The following KCNIP3 variants were observed in gnomAD, a reference collection of about 807,000 sequenced individuals.
KCNIP3 encodes calsenilin.
A neutral mutation model predicts 35.0 loss-of-function variants in KCNIP3; 28 were observed. The observed-to-expected ratio is 0.80, with a 90% CI of 0.59 to 1.10. The LOEUF is 1.10. Among genes scored for constraint, KCNIP3 ranks in the 50% least tolerant of loss-of-function variants. The pLI is 0.00. For missense variants in KCNIP3, 295 were observed against 338.4 expected (o/e 0.87, Z 1.01); for synonymous variants, 134 against 133.8 (o/e 1.00, Z -0.01).
chr2:95,307,357 C>T (rs1678203467), intron 1 of KCNIP3, among the ~76,000 whole-genome samples: 1 of 152,220 alleles, frequency 6.6e-6, no homozygotes, highest in Non-Finnish European at 1.5e-5. Context: ...GGACCCAGGC[C>T]GAGAAACAGC....
intron 2 of KCNIP3, among the ~76,000 whole-genome samples, chr2:95,373,286 A>G (rs1680082455): frequency 6.6e-6 from 1 of 152,236 alleles, no homozygotes; most frequent in Non-Finnish European, 1.5e-5. Flanking sequence ...TTTGCATTGT[A>G]AAAGTGATGC....
intron 2 of KCNIP3, among the ~76,000 whole-genome samples, chr2:95,315,797 C>T (rs905579124): frequency 1.3e-5 from 2 of 152,128 alleles, no homozygotes; most frequent in Non-Finnish European, 2.9e-5. Context: ...GTGGGGAAAG[C>T]GGCAATGCAG....
chr2:95,310,147 C>T, intron 1 of KCNIP3: 1 of 691,948 alleles, frequency 1.4e-6, no homozygotes, highest in Non-Finnish European at 2.6e-6. Flanking sequence ...TCCCATCTTA[C>T]ACCATAGCCA....
At position 95,310,368 on chromosome 2, in the gene KCNIP3, C is replaced by T. The variant is rs749515536; in HGVS notation, c.29C>T (p.Ala10Val). Reference protein sequence around the residue: MQPAKEVTKASDGSLLGDLG... With the variant: MQPAKEVTKVSDGSLLGDLG... ...TTCCTACTGCAGGAAGTGACAAAGG[C>T]GTCGGACGGCAGCCTCCTGGGGGAC... The change falls in exon 2 of 9, where the codon GCG becomes GTG. Residue 10 changes from alanine (A) to valine (V), a missense_variant. Physicochemically the swap from Ala to Val is moderately conservative, Grantham distance 64 (BLOSUM62 0). Transcript: ENST00000295225. 2.1e-4 allele frequency: 332 copies of T among 1,611,428 alleles called. 1 individual carries two copies. Among genetic ancestry groups the T allele is most frequent in the Non-Finnish European group, 2.7e-4 (318 of 1,178,220 alleles).
intron 2 of KCNIP3, among the ~76,000 whole-genome samples, chr2:95,371,613 C>G (rs10171975): frequency 6.6e-6 from 1 of 152,100 alleles, no homozygotes; most frequent in Non-Finnish European, 1.5e-5. Flanking sequence ...GAAAGGGGTG[C>G]TAAAATCTTC....
rs1374969883 is a variant in KCNIP3 at position 95,310,453 on chromosome 2, C to A, written c.114C>A (p.Ser38Arg). 1 of 1,613,980 alleles carries A rather than the reference C, an allele frequency of 6.2e-7. No individual in the cohort carries two copies. The highest frequency in any genetic ancestry group is 1.7e-5 in the Admixed American group (1 of 60,002). ...EGIKWQRPRL[S>R]RQALMRCCLV... ...TCAAGTGGCAGAGGCCGAGGCTCAG[C>A]CGCCAGGCTTTGATGAGATGCTGCC... Residue 38 changes from serine to arginine, a missense_variant, in exon 2 of 9, where the codon AGC becomes AGA. Coordinates refer to ENST00000295225, the MANE Select transcript of KCNIP3 (RefSeq NM_013434.5).
chr2:95,360,308 T>A (rs577413503), intron 2 of KCNIP3, among the ~76,000 whole-genome samples: 1 of 152,306 alleles, frequency 6.6e-6, no homozygotes, highest in South Asian at 2.1e-4. Context: ...TTCCAATACC[T>A]TATTCCTCAA....
intron 2 of KCNIP3, among the ~76,000 whole-genome samples, chr2:95,337,521 C>T (rs1371253134): frequency 6.6e-6 from 1 of 152,180 alleles, no homozygotes; most frequent in Non-Finnish European, 1.5e-5. Context: ...TAAGATGAAT[C>T]CTTTCTCTGC....
intron 1 of KCNIP3, among the ~76,000 whole-genome samples, chr2:95,305,657 C>T (rs368908647): frequency 2.7e-4 from 41 of 152,188 alleles, no homozygotes; most frequent in African/African-American, 9.4e-4. Context: ...CTCCTGCCTG[C>T]CTCCCCCCAT....
At chr2:95,301,884 A>G (rs1034106064) in intron 1 of KCNIP3, among the ~76,000 whole-genome samples, 2 of 151,902 alleles carry the variant, frequency 1.3e-5, no homozygotes, top group South Asian at 2.1e-4. Context: ...GTGCGCGCTC[A>G]TAGGTGTGTT....
intron 2 of KCNIP3, among the ~76,000 whole-genome samples, chr2:95,345,418 G>A (rs1288745661): frequency 6.6e-6 from 1 of 152,258 alleles, no homozygotes; most frequent in Non-Finnish European, 1.5e-5. Flanking sequence ...TCGCAGCCAC[G>A]CGCCGCGGCT....
At chr2:95,352,430 G>T (rs571688888) in intron 2 of KCNIP3, among the ~76,000 whole-genome samples, 1 of 152,174 alleles carries the variant, frequency 6.6e-6, no homozygotes, top group African/African-American at 2.4e-5. Flanking sequence ...GTGACCCTGG[G>T]GTCAGAGGCT....
intron 2 of KCNIP3, among the ~76,000 whole-genome samples, chr2:95,328,958 C>T (rs13399849): frequency 0.13 from 19,543 of 152,118 alleles, 1,551 homozygotes; most frequent in African/African-American, 0.22. Flanking sequence ...AAGAGGGGAG[C>T]TGCAGAGGAG....
intron 1 of KCNIP3, among the ~76,000 whole-genome samples, chr2:95,308,875 T>C (rs1178276298): frequency 6.6e-6 from 1 of 152,194 alleles, no homozygotes; most frequent in Non-Finnish European, 1.5e-5. Context: ...AGAAGCTGCT[T>C]GACGGCCCCG....
intron 2 of KCNIP3, among the ~76,000 whole-genome samples, chr2:95,344,701 C>T (rs1679304100): frequency 6.6e-6 from 1 of 152,208 alleles, no homozygotes; most frequent in Admixed American, 6.5e-5. Flanking sequence ...CACGTGCCAC[C>T]CTGTGAAGCT....
chr2:95,310,614 C>A, intron 2 of KCNIP3, 94 bp downstream of exon 2: 1 of 1,411,558 alleles, frequency 7.1e-7, no homozygotes, highest in Non-Finnish European at 1.0e-6. Flanking sequence ...AGCCTGGGAC[C>A]CCAGCCTGGG....
chr2:95,342,613 C>T (rs1679219007), intron 2 of KCNIP3, among the ~76,000 whole-genome samples: 1 of 152,190 alleles, frequency 6.6e-6, no homozygotes. Context: ...TGGACTTGAT[C>T]TCTTTGTCTT....
chr2:95,366,908 T>C (rs1558775862), intron 2 of KCNIP3, among the ~76,000 whole-genome samples: 2 of 152,206 alleles, frequency 1.3e-5, no homozygotes, highest in African/African-American at 4.8e-5. Context: ...TTTTGAGACT[T>C]CTTTATATAT....
chr2:95,373,710 A>G (rs1417645551), intron 2 of KCNIP3, among the ~76,000 whole-genome samples: 3 of 152,032 alleles, frequency 2.0e-5, no homozygotes, highest in Non-Finnish European at 4.4e-5. Flanking sequence ...GAGTCACCGC[A>G]CCCTGCCAAG....
Sources: allele counts gnomAD v4.1 joint callset (sites outside exome capture counted in the v4.1 genomes callset), GRCh38; gene constraint gnomAD v4.1.1; transcripts MANE v1.5; gene names NCBI Gene and HGNC (gene_info 2026-07-23, HGNC 2026-07-21).